The following CMSS1 variants were observed in gnomAD, a reference collection of about 807,000 sequenced individuals.
CMSS1 encodes the protein protein CMSS1.
CMSS1 carries 33 observed loss-of-function variants against 43.5 expected under a neutral mutation model. That is an observed-to-expected ratio of 0.76 (90% CI 0.57 to 1.01). The LOEUF is 1.01. Among genes scored for constraint, CMSS1 ranks in the 50% least tolerant of loss-of-function variants. The probability of loss-of-function intolerance (pLI) is 0.00; values close to 1 mark genes in which losing one functional copy is unlikely to be tolerated. For missense variants in CMSS1, 313 were observed against 326.4 expected (o/e 0.96, Z 0.32); for synonymous variants, 115 against 117.2 (o/e 0.98, Z 0.12).
Position 100,112,723 on chromosome 3 carries a change from AGAG to A in CMSS1, c.65-34249_65-34247del, listed in dbSNP as rs376929528. ...GGAAATTACTGAGAAAATTCTCATC[AGAG>A]TAGTAGACCTTAATTACCCAGGTGG... On this transcript the variant is annotated intron_variant, in intron 1 of 9. Coordinates refer to ENST00000421999, the MANE Select transcript of CMSS1 (RefSeq NM_032359.4). 3.5e-3 allele frequency among the ~76,000 whole-genome samples: 538 copies of A among 152,336 alleles called. 2 individuals carry two copies. The highest frequency in any genetic ancestry group is 0.012 in the African/African-American group (512 of 41,580).
chr3:100,064,305 C>T (rs538572164), intron 1 of CMSS1, among the ~76,000 whole-genome samples: 2 of 152,162 alleles, frequency 1.3e-5, no homozygotes, highest in East Asian at 3.9e-4. Flanking sequence ...AAACTTCTGA[C>T]GATTTCCTGT....
At chr3:100,060,643 T>G (rs981586452) in intron 1 of CMSS1, among the ~76,000 whole-genome samples, 7 of 151,762 alleles carry the variant, frequency 4.6e-5, no homozygotes, top group Non-Finnish European at 8.8e-5. Flanking sequence ...TACCTTGAGC[T>G]CACAAATTTG....
chr3:99,894,291 G>T (rs1445232551), intron 1 of CMSS1, among the ~76,000 whole-genome samples: 2 of 152,200 alleles, frequency 1.3e-5, no homozygotes, highest in Admixed American at 6.5e-5. Flanking sequence ...AAGAGAAGGT[G>T]GCACTTAGGA....
chr3:100,054,493 TTA>T (rs1250830794), intron 1 of CMSS1, among the ~76,000 whole-genome samples: 13 of 33,798 alleles, frequency 3.8e-4, no homozygotes, highest in Admixed American at 2.2e-3. Context: ...TTATGTTTTG[TTA>T]TGTTATGTTA....
chr3:100,089,559 G>A lies in CMSS1; in HGVS notation c.65-57414G>A, dbSNP rs532500806. ...TGTCAAGCAAAAAGGATAGGAAGCAGAAACATTTCTAAAACTGAACAATTT... is the reference window on the plus strand; with the variant it reads ...TGTCAAGCAAAAAGGATAGGAAGCAAAAACATTTCTAAAACTGAACAATTT... On this transcript the variant is annotated intron_variant, in intron 1 of 9. Coordinates refer to ENST00000421999, the MANE Select transcript of CMSS1 (RefSeq NM_032359.4). Among the ~76,000 whole-genome samples the A allele has an allele frequency of 5.0e-3, 760 of 152,288 alleles. 4 individuals carry two copies. Among genetic ancestry groups the A allele is most frequent in the African/African-American group, 0.017 (714 of 41,574 alleles).
chr3:100,037,934 C>T (rs61455474), intron 1 of CMSS1, among the ~76,000 whole-genome samples: 12,860 of 130,064 alleles, frequency 0.099, 752 homozygotes, highest in East Asian at 0.22. Context: ...TTTTTAATCG[C>T]TTTTCTTTTT....
intron 1 of CMSS1, among the ~76,000 whole-genome samples, chr3:99,970,712 G>A (rs1156801672): frequency 5.3e-5 from 8 of 152,202 alleles, no homozygotes; most frequent in African/African-American, 1.7e-4. Flanking sequence ...AACTGGGCTG[G>A]GAGAGAGGTA....
rs377075355 is a variant in CMSS1 at position 99,848,404 on chromosome 3, C to T, written c.64+30361C>T. 2.9e-5 allele frequency: 46 copies of T among 1,613,994 alleles called. No individual in the cohort carries two copies. The East Asian group carries it at 7.4e-4, about 26-fold the overall frequency. On this transcript the variant is annotated intron_variant, in intron 1 of 9. Transcript: ENST00000421999. ...TGCCCCGTTAATTAAGCCTTGAGTT[C>T]GGTTATCCTGCAGTGGTGCTGAAGG...
chr3:99,847,887 T>C lies in CMSS1; in HGVS notation c.64+29844T>C, dbSNP rs186768259. 6.8e-5 allele frequency: 64 copies of C among 943,574 alleles called. No individual in the cohort carries two copies. The African/African-American group carries it at 1.1e-3, about 16-fold the overall frequency. The allele number at this position is 943,574 out of a possible 1,614,324, so 58.5% of individuals were successfully genotyped here. On this transcript the variant is annotated intron_variant, in intron 1 of 9. Transcript: ENST00000421999. ...CAAAATTCTATTGTACATGCAGAAA[T>C]ATAACACAGAATGACCAAAAGAAAA... is the stretch of plus-strand genomic sequence containing the variant.
At chr3:99,857,521 T>C (rs1001878514) in intron 1 of CMSS1, among the ~76,000 whole-genome samples, 4 of 152,260 alleles carry the variant, frequency 2.6e-5, no homozygotes, top group African/African-American at 9.6e-5. Context: ...TGGACAAATA[T>C]GTTTGTTTAT....
intron 1 of CMSS1, among the ~76,000 whole-genome samples, chr3:99,977,973 A>G (rs754694718): frequency 4.6e-5 from 7 of 152,212 alleles, no homozygotes; most frequent in African/African-American, 1.4e-4. Flanking sequence ...GCAAATTATT[A>G]TGCCAGATGG....
At chr3:99,954,406 AAC>A (rs1708262101) in intron 1 of CMSS1, among the ~76,000 whole-genome samples, 1 of 152,228 alleles carries the variant, frequency 6.6e-6, no homozygotes, top group South Asian at 2.1e-4. Context: ...CTCCCAGTTT[AAC>A]ACAAACAAGG....
chr3:100,114,823 G>A, intron 1 of CMSS1: 2 of 615,336 alleles, frequency 3.3e-6, no homozygotes, highest in East Asian at 3.0e-5. Context: ...TGTGATTTAA[G>A]TAACAAGGGC....
At chr3:100,116,054 G>T (rs1276527642) in intron 1 of CMSS1, among the ~76,000 whole-genome samples, 8 of 152,064 alleles carry the variant, frequency 5.3e-5, no homozygotes, top group African/African-American at 1.9e-4. Context: ...TATTTTTATG[G>T]CAGGAATACT....
chr3:100,106,047 G>A (rs2066389788), intron 1 of CMSS1, among the ~76,000 whole-genome samples: 1 of 152,104 alleles, frequency 6.6e-6, no homozygotes, highest in Admixed American at 6.6e-5. Flanking sequence ...CCTCCTAGGG[G>A]TTTCAATTAA....
chr3:100,147,431 C>G (rs1464398983), intron 2 of CMSS1, among the ~76,000 whole-genome samples: 1 of 151,692 alleles, frequency 6.6e-6, no homozygotes, highest in Non-Finnish European at 1.5e-5. Flanking sequence ...CACCACCACA[C>G]CCAGCTAATT....
intron 2 of CMSS1, among the ~76,000 whole-genome samples, chr3:100,150,494 C>A (rs1340643054): frequency 1.3e-5 from 2 of 152,162 alleles, no homozygotes; most frequent in African/African-American, 4.8e-5. Context: ...TTAATATCAC[C>A]AGGCAAGAGC....
intron 1 of CMSS1, among the ~76,000 whole-genome samples, chr3:100,088,931 A>C (rs910726007): frequency 6.6e-6 from 1 of 151,996 alleles, no homozygotes; most frequent in Non-Finnish European, 1.5e-5. Flanking sequence ...TGACTCAGAA[A>C]TTTTTCAGAA....
intron 1 of CMSS1, among the ~76,000 whole-genome samples, chr3:100,065,275 T>G (rs1480709257): frequency 6.6e-6 from 1 of 152,204 alleles, no homozygotes; most frequent in Non-Finnish European, 1.5e-5. Flanking sequence ...AATATCCAGA[T>G]AATGCTTTTT....
Sources: allele counts gnomAD v4.1 joint callset (sites outside exome capture counted in the v4.1 genomes callset), GRCh38; gene constraint gnomAD v4.1.1; transcripts MANE v1.5; gene names NCBI Gene and HGNC (gene_info 2026-07-23, HGNC 2026-07-21).